The following PLIN2 variants were observed in gnomAD, a reference collection of about 807,000 sequenced individuals.
The protein encoded by PLIN2 is perilipin 2, also known as perilipin-2.
Under a neutral mutation model 30.6 loss-of-function variants are expected in PLIN2, and 33 were observed. That is an observed-to-expected ratio of 1.08 (90% CI 0.82 to 1.44). The LOEUF is 1.44. Ranked by LOEUF, PLIN2 falls within the 40% of genes most tolerant of loss-of-function variation. The probability of loss-of-function intolerance (pLI) is 0.00; values close to 1 mark genes in which losing one functional copy is unlikely to be tolerated. For missense variants in PLIN2, 610 were observed against 531.8 expected, an observed-to-expected ratio of 1.15 and a Z score of -1.45; for synonymous variants, 205 against 201.1, an observed-to-expected ratio of 1.02 and a Z score of -0.16.
chr9:19,110,064 C>T lies in PLIN2; in HGVS notation n.418-1317G>A, dbSNP rs187689671. Among the ~76,000 whole-genome samples, 7 of 152,178 alleles carry T rather than the reference C, an allele frequency of 4.6e-5. 2 individuals are homozygous for T. In the East Asian group the frequency reaches 1.4e-3, roughly 29 times the overall value. ...TTTTAGATGGAGTTTCACTCTCTCC[C>T]CCAGGTTGGAGTGCAGTGGCGTAAT... is the stretch of plus-strand genomic sequence containing the variant. On this transcript the variant is annotated intron_variant and non_coding_transcript_variant, in intron 2 of 2. Transcript: ENST00000464326.
intron 6 of PLIN2, among the ~76,000 whole-genome samples, chr9:19,118,819 A>C (rs1818270074): frequency 6.6e-6 from 1 of 152,174 alleles, no homozygotes; most frequent in East Asian, 1.9e-4. Flanking sequence ...TAGCCTACCG[A>C]GTAGCTGGGA....
At chr9:19,112,471 G>A (rs933039859), downstream of PLIN2, among the ~76,000 whole-genome samples, 6 of 152,140 alleles carry the variant, frequency 3.9e-5, no homozygotes, top group African/African-American at 1.4e-4. Context: ...CACTTTGGCA[G>A]GCCGAGGTGA....
At position 19,121,060 on chromosome 9, in the gene PLIN2, C is replaced by T; in HGVS notation, c.415G>A (p.Asp139Asn). ...CCAGTCACTGCCCCTTTGGTCTTGT[C>T]CATCACCCCTGTGATCGTGCTGGCC... is the stretch of plus-strand genomic sequence containing the variant. ...SVASTITGVM[D>N]KTKGAVTGSV... The change falls in exon 5 of 8, where the codon GAC (aspartate) becomes AAC (asparagine). Residue 139 changes from aspartate (D) to asparagine (N), a missense_variant. By Grantham distance (23) the Asp-to-Asn change is conservative. Coordinates refer to ENST00000276914, the MANE Select transcript of PLIN2 (RefSeq NM_001122.4). 3 of 1,614,204 alleles carry T rather than the reference C, an allele frequency of 1.9e-6. No individual in the cohort carries two copies. Among genetic ancestry groups the T allele is most frequent in the South Asian group, 2.2e-5 (2 of 91,084 alleles).
chr9:19,110,982 T>C (rs1818152039), downstream of PLIN2, among the ~76,000 whole-genome samples: 1 of 152,130 alleles, frequency 6.6e-6, no homozygotes, highest in African/African-American at 2.4e-5. Flanking sequence ...GGCAATTCTG[T>C]CTACCTCCCA....
chr9:19,126,750 A>C (rs1370482556), intron 1 of PLIN2, among the ~76,000 whole-genome samples: 1 of 152,200 alleles, frequency 6.6e-6, no homozygotes, highest in Non-Finnish European at 1.5e-5. Flanking sequence ...GTTAACAAAA[A>C]TGCTAGCCAA....
At chr9:19,120,786 T>C (rs1177513373) in intron 5 of PLIN2, 94 bp downstream of exon 5, 2 of 999,866 alleles carry the variant, frequency 2.0e-6, no homozygotes, top group Non-Finnish European at 3.1e-6. Context: ...TGCACAACTG[T>C]GTAAATTTAG....
At chr9:19,117,196 T>G (rs1453424819) in intron 7 of PLIN2, among the ~76,000 whole-genome samples, 1 of 152,132 alleles carries the variant, frequency 6.6e-6, no homozygotes, top group Non-Finnish European at 1.5e-5. Flanking sequence ...GGTCTCAGTC[T>G]GTTGCCCAGG....
At chr9:19,115,539 C>G (rs1818208211), downstream of PLIN2, among the ~76,000 whole-genome samples, 1 of 151,972 alleles carries the variant, frequency 6.6e-6, no homozygotes, top group African/African-American at 2.4e-5. Flanking sequence ...GATCTCCTGA[C>G]CTCGTGATCC....
intron 2 of PLIN2, chr9:19,108,827 T>C (rs1818124004): frequency 6.5e-6 from 1 of 152,682 alleles, no homozygotes. Context: ...ATGGAGACTT[T>C]AGTGCATGTA....
downstream of PLIN2, among the ~76,000 whole-genome samples, chr9:19,111,420 C>T (rs1818158254): frequency 6.6e-6 from 1 of 152,134 alleles, no homozygotes; most frequent in Non-Finnish European, 1.5e-5. Context: ...TATAGGCTGC[C>T]TGCCTCTCAC....
intron 7 of PLIN2, 116 bp downstream of exon 7, chr9:19,118,205 T>C: frequency 9.8e-7 from 1 of 1,020,026 alleles, no homozygotes; most frequent in Admixed American, 2.8e-5. Context: ...GTACATGGTA[T>C]TGTTCAACCT....
chr9:19,118,334 G>A lies in PLIN2; in HGVS notation c.899C>T (p.Ser300Phe), dbSNP rs867913273. The A allele has an allele frequency of 6.2e-7, 1 of 1,612,300 alleles. No homozygotes were observed. The highest frequency in any genetic ancestry group is 1.3e-5 in the African/African-American group (1 of 74,976). ...RSIGYDDTDE[S>F]HCAEHIESRT... is the part of the protein sequence containing the mutation. The stretch of plus-strand genomic sequence containing the variant: ...CAGTCATCTTACCTCAGCACAGTGG[G>A]ACTCATCAGTATCATCATATCCAAT... Residue 300 changes from serine to phenylalanine, a missense_variant, in exon 7 of 8, where the codon TCC becomes TTC. Coordinates refer to ENST00000276914, the MANE Select transcript of PLIN2 (RefSeq NM_001122.4).
chr9:19,126,067 G>C lies in PLIN2; in HGVS notation c.226+47C>G, dbSNP rs145379948. On this transcript the variant is annotated intron_variant, in intron 3 of 7. Transcript: ENST00000276914. ...GTTACTGCTGTGAGCTCAGGGGCTCGCCACTGACCAGTCCCTTGACTTGCA... is the reference window on the plus strand; with the variant it reads ...GTTACTGCTGTGAGCTCAGGGGCTCCCCACTGACCAGTCCCTTGACTTGCA... The C allele has an allele frequency of 1.9e-4, 288 of 1,532,886 alleles. No individual in the cohort carries two copies. The African/African-American group carries it at 3.4e-3, about 18-fold the overall frequency. 95.0% of individuals were successfully genotyped at this position (1,532,886 alleles called of 1,614,324 possible). A position where few individuals can be genotyped will look rare whatever the true frequency, so the allele number is the denominator to read the frequency against.
rs563265795 is a variant in PLIN2, at chr9:19,122,056, C to T, written c.310-891G>A. Among the ~76,000 whole-genome samples, 7 of 137,370 alleles carry T rather than the reference C, an allele frequency of 5.1e-5. No individual in the cohort carries two copies. In the South Asian group the frequency reaches 9.0e-4, roughly 18 times the overall value. The allele number at this position is 137,370 out of a possible 152,430, so 90.1% of individuals were successfully genotyped here. On this transcript the variant is annotated intron_variant, in intron 4 of 7. Transcript: ENST00000276914. ...CCCAGGAGGAAGAGACAGCAGTGAG[C>T]CGAGATTGTGCCACTGCACTCCAGC...
chr9:19,113,774 GTTT>G (rs35017527), downstream of PLIN2, among the ~76,000 whole-genome samples: 48 of 131,382 alleles, frequency 3.7e-4, no homozygotes, highest in African/African-American at 1.3e-3. Flanking sequence ...GTTATTTTTG[GTTT>G]TTTTTTTTTT....
intron 4 of PLIN2, among the ~76,000 whole-genome samples, chr9:19,122,390 T>C (rs1419974334): frequency 6.6e-6 from 1 of 152,008 alleles, no homozygotes; most frequent in African/African-American, 2.4e-5. Context: ...CTGTACCTTT[T>C]CTAGTTTAGA....
At chr9:19,121,951 C>T (rs944306956) in intron 4 of PLIN2, among the ~76,000 whole-genome samples, 1 of 150,880 alleles carries the variant, frequency 6.6e-6, no homozygotes, top group African/African-American at 2.4e-5. Context: ...CAAACAATGA[C>T]AAAAAAAATT....
intron 6 of PLIN2, among the ~76,000 whole-genome samples, chr9:19,118,803 G>A (rs958881877): frequency 3.9e-5 from 6 of 152,070 alleles, no homozygotes; most frequent in African/African-American, 9.7e-5. Context: ...CCTCCTTCTC[G>A]TGCCTTAGCC....
chr9:19,123,792 A>C, intron 3 of PLIN2, 145 bp from the exon 4 acceptor site: 2 of 629,936 alleles, frequency 3.2e-6, no homozygotes, highest in Non-Finnish European at 5.4e-6. Flanking sequence ...AGGCTGAGGC[A>C]GGCGGATCAC....
Sources: allele counts gnomAD v4.1 joint callset (sites outside exome capture counted in the v4.1 genomes callset), GRCh38; gene constraint gnomAD v4.1.1; transcripts MANE v1.5; gene names NCBI Gene and HGNC (gene_info 2026-07-23, HGNC 2026-07-21).